The following DOP1B variants were observed in gnomAD, a reference collection of about 807,000 sequenced individuals.
The protein encoded by DOP1B is DOP1 leucine zipper like protein B.
In DOP1B, 174 loss-of-function variants were observed where a neutral mutation model predicts 233.5. The observed-to-expected ratio is 0.75, with a 90% CI of 0.66 to 0.85. DOP1B has a LOEUF of 0.85. Among genes scored for constraint, DOP1B ranks in the 40% least tolerant of loss-of-function variants. The pLI, the probability that DOP1B is intolerant of heterozygous loss-of-function variation, is 0.00. For missense variants in DOP1B, 2,652 were observed against 2,846.6 expected, an observed-to-expected ratio of 0.93 and a Z score of 1.56; for synonymous variants, 1,190 against 1,185.6, an observed-to-expected ratio of 1.00 and a Z score of -0.08.
At chr21:36,227,349 C>A (rs1033460596) in intron 12 of DOP1B, among the ~76,000 whole-genome samples, 7 of 151,640 alleles carry the variant, frequency 4.6e-5, no homozygotes, top group Non-Finnish European at 1.0e-4. Context: ...AGATCGAGAC[C>A]ATCCTGGCTA....
At chr21:36,256,024 C>T (rs552894383) in intron 23 of DOP1B, among the ~76,000 whole-genome samples, 4 of 152,290 alleles carry the variant, frequency 2.6e-5, no homozygotes, top group South Asian at 2.1e-4. Flanking sequence ...TTTACCAAAG[C>T]AGTCTTCATC....
intron 15 of DOP1B, among the ~76,000 whole-genome samples, chr21:36,236,320 GTA>G (rs2123562661): frequency 6.6e-6 from 1 of 152,328 alleles, no homozygotes; most frequent in East Asian, 1.9e-4. Flanking sequence ...CGATTTGGGG[GTA>G]TAATAGTGTT....
intron 32 of DOP1B, 81 bp downstream of exon 32, chr21:36,281,692 T>C: frequency 1.4e-5 from 18 of 1,310,552 alleles, no homozygotes; most frequent in Non-Finnish European, 1.8e-5. Context: ...CAGAAATTTA[T>C]TGCCTCACAG....
intron 15 of DOP1B, among the ~76,000 whole-genome samples, chr21:36,234,256 A>G (rs2066801154): frequency 1.3e-5 from 2 of 152,168 alleles, no homozygotes; most frequent in East Asian, 3.9e-4. Context: ...GAACCGCTAT[A>G]AGCAGCAGTG....
chr21:36,244,266 T>C (rs8133216), intron 18 of DOP1B, among the ~76,000 whole-genome samples: 96,031 of 151,416 alleles, frequency 0.63, 32,192 homozygotes, highest in African/African-American at 0.87. Context: ...AGGTGATCTG[T>C]CCTCCTAGGC....
rs200724287 is a variant in DOP1B at position 36,229,016 on chromosome 21, C to T, written c.1665+1139C>T. Among the ~76,000 whole-genome samples the T allele has an allele frequency of 5.9e-5, 9 of 152,270 alleles. No homozygotes were observed. The East Asian group carries it at 1.7e-3, about 29-fold the overall frequency. ...TAGCACCCTTTGTTTCACCCATTCT[C>T]ATGCTACTTGCCTGCTCTGTAACTG... On this transcript the variant is annotated intron_variant, in intron 13 of 36. Coordinates refer to ENST00000691173, the MANE Select transcript of DOP1B (RefSeq NM_001320714.2).
At chr21:36,168,238 C>T (rs533010394) in intron 2 of DOP1B, among the ~76,000 whole-genome samples, 17 of 152,130 alleles carry the variant, frequency 1.1e-4, no homozygotes, top group East Asian at 5.8e-4. Flanking sequence ...GCCACCGCGC[C>T]GAGCCACATT....
intron 23 of DOP1B, among the ~76,000 whole-genome samples, chr21:36,254,516 G>C (rs2067069796): frequency 6.6e-6 from 1 of 152,068 alleles, no homozygotes. Flanking sequence ...TTTGCTAACT[G>C]GGGCTTATCC....
chr21:36,224,290 C>T (rs1235281001), intron 11 of DOP1B, among the ~76,000 whole-genome samples: 6 of 151,962 alleles, frequency 3.9e-5, no homozygotes, highest in Admixed American at 1.3e-4. Context: ...GCTGAGACTA[C>T]AGGCTCAGCC....
intron 2 of DOP1B, among the ~76,000 whole-genome samples, chr21:36,181,430 C>T (rs973170771): frequency 3.3e-5 from 5 of 152,142 alleles, no homozygotes; most frequent in South Asian, 2.1e-4. Context: ...AGGCGTGTGC[C>T]ACCACGCCCG....
In DOP1B at chr21:36,163,084, C is replaced by A. The variant is rs552852138; in HGVS notation, c.-26-1624C>A. 3.3e-5 allele frequency among the ~76,000 whole-genome samples: 5 copies of A among 152,118 alleles called. No homozygotes were observed. The South Asian group carries it at 8.3e-4, about 25-fold the overall frequency. On this transcript the variant is annotated intron_variant, in intron 1 of 36. Transcript: ENST00000691173. ...GGTGGTTGCCAGGCGCGGTGGCTCA[C>A]GCCTGTAATCCCGGCACTTTGGGAG...
intron 27 of DOP1B, among the ~76,000 whole-genome samples, chr21:36,273,970 G>T (rs922969873): frequency 6.6e-6 from 1 of 151,880 alleles, no homozygotes; most frequent in South Asian, 2.1e-4. Flanking sequence ...CCCAGCTACT[G>T]GGGAGGCTGA....
chr21:36,244,166 G>C (rs1343449841), intron 18 of DOP1B, among the ~76,000 whole-genome samples: 3 of 150,956 alleles, frequency 2.0e-5, no homozygotes, highest in Non-Finnish European at 4.4e-5. Context: ...TGGGACTATG[G>C]GCACGCACCA....
At chr21:36,228,991 T>C (rs2066726719) in intron 13 of DOP1B, among the ~76,000 whole-genome samples, 1 of 152,036 alleles carries the variant, frequency 6.6e-6, no homozygotes, top group Admixed American at 6.6e-5. Flanking sequence ...TTTTTAAGTT[T>C]AGCACCCTTT....
rs1382840262 is a variant in DOP1B, at chr21:36,225,583, C to T, written c.1389C>T (p.Tyr463=). ...TTTATAGACCAGTGAAGCAGCGTTA[C>T]AGCGTGAGGAACAGCGTCAGCCCTC... is the stretch of plus-strand genomic sequence containing the variant. ...EECFRPVKQR[Y]SVRNSVSPPP... The change falls in exon 12 of 37, where the codon TAC becomes TAT. Residue 463 remains tyrosine (Y), a synonymous_variant. Transcript: ENST00000691173. The T allele has an allele frequency of 3.1e-6, 5 of 1,614,102 alleles. No individual in the cohort carries two copies. Among genetic ancestry groups the T allele is most frequent in the Non-Finnish European group, 8.5e-7 (1 of 1,180,012 alleles).
intron 33 of DOP1B, among the ~76,000 whole-genome samples, 197 bp from the exon 34 acceptor site, chr21:36,288,559 C>T (rs966062107): frequency 1.3e-5 from 2 of 151,950 alleles, no homozygotes; most frequent in African/African-American, 4.8e-5. Flanking sequence ...TTCGGCATGG[C>T]GGGAAGTTGC....
chr21:36,255,148 T>C (rs192214058), intron 23 of DOP1B, among the ~76,000 whole-genome samples: 8 of 151,764 alleles, frequency 5.3e-5, no homozygotes, highest in Non-Finnish European at 1.2e-4. Context: ...GTTTAGTTTT[T>C]TCGAGATGAA....
At chr21:36,272,766 C>G (rs2067303461) in intron 27 of DOP1B, among the ~76,000 whole-genome samples, 1 of 151,724 alleles carries the variant, frequency 6.6e-6, no homozygotes, top group South Asian at 2.1e-4. Context: ...GGGCGGATCA[C>G]CTGAGGTCCA....
chr21:36,205,420 ACT>A (rs1434179321), intron 4 of DOP1B, among the ~76,000 whole-genome samples: 1 of 150,672 alleles, frequency 6.6e-6, no homozygotes, highest in African/African-American at 2.4e-5. Flanking sequence ...ATGGAGTCTC[ACT>A]CTGTTGCCCA....
Sources: allele counts gnomAD v4.1 joint callset (sites outside exome capture counted in the v4.1 genomes callset), GRCh38; gene constraint gnomAD v4.1.1; transcripts MANE v1.5; gene names NCBI Gene and HGNC (gene_info 2026-07-23, HGNC 2026-07-21).